Variants in ZNF683 observed in about 807,000 individuals in gnomAD.
The protein encoded by ZNF683 is zinc finger protein 683.
In ZNF683, 20 loss-of-function variants were observed where a neutral mutation model predicts 31.4. That is an observed-to-expected ratio of 0.64 (90% CI 0.45 to 0.93). The LOEUF (loss-of-function observed/expected upper bound fraction) is 0.93. Ranked by LOEUF, ZNF683 falls within the 40% of genes least tolerant of loss-of-function variation. The pLI, the probability that ZNF683 is intolerant of heterozygous loss-of-function variation, is 0.00. For missense variants in ZNF683, 621 were observed against 637.2 expected (o/e 0.97, Z 0.27); for synonymous variants, 264 against 267.6 (o/e 0.99, Z 0.13).
intron 3 of ZNF683, among the ~76,000 whole-genome samples, chr1:26,367,037 G>C (rs2074540822): frequency 6.6e-6 from 1 of 152,180 alleles, no homozygotes; most frequent in Non-Finnish European, 1.5e-5. Context: ...CACCGAGGCA[G>C]GTGGATCACC....
intron 2 of ZNF683, 22 bp from the exon 3 acceptor site, chr1:26,367,819 C>T (rs1232061043): frequency 1.3e-6 from 2 of 1,523,496 alleles, no homozygotes; most frequent in Non-Finnish European, 1.8e-6. Context: ...GGGCAAGGGG[C>T]TTGGGGGCTG....
At chr1:26,373,521 G>C (rs2074709466), upstream of ZNF683, among the ~76,000 whole-genome samples, 1 of 152,160 alleles carries the variant, frequency 6.6e-6, no homozygotes, top group Non-Finnish European at 1.5e-5. Context: ...GGGTTCAGGG[G>C]AGGCTGCAGA....
At chr1:26,362,070 A>G in intron 5 of ZNF683, 48 bp from the exon 6 acceptor site, 1 of 1,614,010 alleles carries the variant, frequency 6.2e-7, no homozygotes, top group South Asian at 1.1e-5. Context: ...GGGCTGGCTC[A>G]GGCATTCTAC....
intron 1 of ZNF683, 170 bp downstream of exon 1, chr1:26,372,499 T>C (rs2074691911): frequency 1.5e-6 from 2 of 1,304,752 alleles, no homozygotes. Context: ...ACTAGGTCGA[T>C]CAGATGTCCC....
Position 26,370,376 on chromosome 1 carries a change from C to T in ZNF683, c.-14-1791G>A, listed in dbSNP as rs770627129. 2.6e-5 allele frequency among the ~76,000 whole-genome samples: 4 copies of T among 152,154 alleles called. No homozygotes were observed. In the East Asian group the frequency reaches 7.7e-4, roughly 29 times the overall value. ...CCCTGACTGGCCTGACAGAGAGACG[C>T]GAGTGCCCAGCTGTCTGCTCATCCA... On this transcript the variant is annotated intron_variant, in intron 1 of 5. Coordinates refer to ENST00000349618, the MANE Select transcript of ZNF683 (RefSeq NM_001114759.3).
In ZNF683 at chr1:26,361,676, AC is replaced by A; in HGVS notation, c.1489del (p.Val497Ter). On this transcript the variant is annotated frameshift_variant, in exon 6 of 6. Transcript: ENST00000349618. LOFTEE classifies it low-confidence loss of function (END_TRUNC). ...TTAATTGTTCTGGTCCTGCCCCATC[AC>A]CAGGGGAGTCCCGGCACTGCTCAGG... The part of the protein sequence containing the change: ...VSLSSAGTPL[V>X]MGQDQNN 1 of 1,613,240 alleles carries A rather than the reference AC, an allele frequency of 6.2e-7. No homozygotes were observed. Among genetic ancestry groups the A allele is most frequent in the East Asian group, 2.2e-5 (1 of 44,880 alleles).
At position 26,365,111 on chromosome 1, in the gene ZNF683, G is replaced by C. The variant is rs781233556; in HGVS notation, c.435C>G (p.Ala145=). ...GKQPERAGEG[A]PCPAFSSHNS... is the part of the protein sequence containing the mutation. The stretch of plus-strand genomic sequence containing the variant: ...TATGAGAGGAGAAGGCTGGGCAGGG[G>C]GCCCCCTCGCCAGCTCTTTCTGGCT... The change falls in exon 4 of 6, where the codon GCC becomes GCG. Residue 145 remains alanine (A), a synonymous_variant. Coordinates refer to ENST00000349618, the MANE Select transcript of ZNF683 (RefSeq NM_001114759.3). The C allele has an allele frequency of 5.6e-6, 9 of 1,607,092 alleles. No individual in the cohort carries two copies. In the East Asian group the frequency reaches 1.1e-4, roughly 20 times the overall value.
chr1:26,364,453 T>C, intron 4 of ZNF683, 79 bp downstream of exon 4: 7 of 1,540,128 alleles, frequency 4.5e-6, no homozygotes, highest in Non-Finnish European at 6.2e-6. Context: ...TTGAGGTCCT[T>C]GCTTCTAGAA....
chr1:26,365,168 C>T lies in ZNF683; in HGVS notation c.378G>A (p.Lys126=). ...CCAGCTTGTCCTTGTTCTGTGGGTA[C>T]TTGACTGTGAATTTCTTGTCATCGG... ...SSTDDKKFTV[K]YPQNKDKLGK... is the part of the protein sequence containing the mutation. Residue 126 remains lysine (K), a synonymous_variant, in exon 4 of 6, where the codon AAG becomes AAA. Transcript: ENST00000349618. The T allele has an allele frequency of 1.9e-6, 3 of 1,610,632 alleles. No homozygotes were observed. The highest frequency in any genetic ancestry group is 2.5e-6 in the Non-Finnish European group (3 of 1,178,578).
rs772003435 is a variant in ZNF683 at position 26,364,797 on chromosome 1, C to A, written c.749G>T (p.Trp250Leu). The change falls in exon 4 of 6, where the codon TGG (tryptophan) becomes TTG (leucine). Residue 250 changes from tryptophan to leucine, a missense_variant. By Grantham distance (61) the Trp-to-Leu change is moderately conservative (BLOSUM62 -2). Coordinates refer to ENST00000349618, the MANE Select transcript of ZNF683 (RefSeq NM_001114759.3). ...CCCTGGGTAGGGAAGCAGGGTCTCC[C>A]ACCGAGCGCTGGGGTGCCCCAGCTC... Reference protein sequence around the residue: ...VNELGHPSARWETLLPYPGAF... With the variant: ...VNELGHPSARLETLLPYPGAF... The A allele has an allele frequency of 7.8e-7, 1 of 1,290,320 alleles. No homozygotes were observed. Among genetic ancestry groups the A allele is most frequent in the South Asian group, 1.4e-5 (1 of 73,020 alleles). 79.9% of individuals were successfully genotyped at this position (1,290,320 alleles called of 1,614,324 possible).
chr1:26,374,181 C>A, upstream of ZNF683: 3 of 1,251,922 alleles, frequency 2.4e-6, no homozygotes, highest in Non-Finnish European at 2.1e-6. Flanking sequence ...GACCCCCAGG[C>A]CACAAGCCCG....
chr1:26,361,953 G>T lies in ZNF683; in HGVS notation c.1213C>A (p.Pro405Thr), dbSNP rs781076939. 16 of 1,614,006 alleles carry T rather than the reference G, an allele frequency of 9.9e-6. No homozygotes were observed. In the African/African-American group the frequency reaches 2.1e-4, roughly 21 times the overall value. The change falls in exon 6 of 6, where the codon CCC (proline) becomes ACC (threonine). Residue 405 changes from proline (P) to threonine (T), a missense_variant. By Grantham distance (38) the Pro-to-Thr change is conservative. Coordinates refer to ENST00000349618, the MANE Select transcript of ZNF683 (RefSeq NM_001114759.3). Reference sequence around the variant, plus strand: ...CTCCGGCAGACACTGCACTGGAAGGGCCGGGCCCCGGAGTGCAGGCGCAGG... The same window carrying T: ...CTCCGGCAGACACTGCACTGGAAGGTCCGGGCCCCGGAGTGCAGGCGCAGG... ...THLRLHSGAR[P>T]FQCSVCRSRF...
intron 3 of ZNF683, among the ~76,000 whole-genome samples, chr1:26,367,057 G>A (rs1308232653): frequency 6.6e-6 from 1 of 152,184 alleles, no homozygotes; most frequent in Non-Finnish European, 1.5e-5. Flanking sequence ...CTGAGGTCAG[G>A]AGTTCGAGAC....
In ZNF683 at chr1:26,366,680, G is replaced by A. The variant is rs189500889; in HGVS notation, c.319+913C>T. 8.8e-3 allele frequency among the ~76,000 whole-genome samples: 1,334 copies of A among 151,956 alleles called. 19 individuals carry two copies. The highest frequency in any genetic ancestry group is 0.031 in the African/African-American group (1,275 of 41,484). ...CAGCCCAGTGCTTTTTTTTTGAGATGGAGTCTCGCTCAGTCGCCCAGGCTG... is the reference window on the plus strand; with the variant it reads ...CAGCCCAGTGCTTTTTTTTTGAGATAGAGTCTCGCTCAGTCGCCCAGGCTG... On this transcript the variant is annotated intron_variant, in intron 3 of 5. Transcript: ENST00000349618.
chr1:26,368,076 T>C (rs2074574286), intron 2 of ZNF683, among the ~76,000 whole-genome samples: 1 of 152,154 alleles, frequency 6.6e-6, no homozygotes, highest in Non-Finnish European at 1.5e-5. Flanking sequence ...CTGACCACCC[T>C]GGTCCCCAGT....
Position 26,365,167 on chromosome 1 carries a change from A to G in ZNF683, c.379T>C (p.Tyr127His). The G allele has an allele frequency of 6.2e-7, 1 of 1,610,384 alleles. No individual in the cohort carries two copies. Among genetic ancestry groups the G allele is most frequent in the Non-Finnish European group, 8.5e-7 (1 of 1,178,494 alleles). The change falls in exon 4 of 6, where the codon TAC becomes CAC. Residue 127 changes from tyrosine to histidine, a missense_variant. By Grantham distance (83) the Tyr-to-His change is moderately conservative. Transcript: ENST00000349618. Reference protein sequence around the residue: ...STDDKKFTVKYPQNKDKLGKQ... With the variant: ...STDDKKFTVKHPQNKDKLGKQ... ...CCCAGCTTGTCCTTGTTCTGTGGGT[A>G]CTTGACTGTGAATTTCTTGTCATCG...
At position 26,366,798 on chromosome 1, in the gene ZNF683, G is replaced by A. The variant is rs1336730645; in HGVS notation, c.319+795C>T. ...AGCCTCCTGAGTCGCTGGGACTACAGGCACCTGCCACCACCCCCCAGCTAA... is the reference window on the plus strand; with the variant it reads ...AGCCTCCTGAGTCGCTGGGACTACAAGCACCTGCCACCACCCCCCAGCTAA... On this transcript the variant is annotated intron_variant, in intron 3 of 5. Coordinates refer to ENST00000349618, the MANE Select transcript of ZNF683 (RefSeq NM_001114759.3). Among the ~76,000 whole-genome samples, 5 of 152,190 alleles carry A rather than the reference G, an allele frequency of 3.3e-5. No homozygotes were observed. The East Asian group carries it at 9.7e-4, about 30-fold the overall frequency.
chr1:26,363,102 T>C lies in ZNF683; in HGVS notation c.1067A>G (p.Gln356Arg). Residue 356 changes from glutamine (Q) to arginine (R), a missense_variant, in exon 5 of 6, where the codon CAG becomes CGG. Transcript: ENST00000349618. ...GERPFQCALC[Q>R]KSFTQLAHLQ... ...GTGGGCAAGTTGAGTGAAGCTCTTC[T>C]GGCACAAGGCACACTGGAATGGACG... The C allele has an allele frequency of 6.2e-7, 1 of 1,612,864 alleles. No individual in the cohort carries two copies. The highest frequency in any genetic ancestry group is 8.5e-7 in the Non-Finnish European group (1 of 1,179,426).
At chr1:26,366,695 C>T (rs1570257293) in intron 3 of ZNF683, among the ~76,000 whole-genome samples, 3 of 152,052 alleles carry the variant, frequency 2.0e-5, no homozygotes, top group Admixed American at 6.6e-5. Context: ...CTCGCTCAGT[C>T]GCCCAGGCTG....
Sources: allele counts gnomAD v4.1 joint callset (sites outside exome capture counted in the v4.1 genomes callset), GRCh38; gene constraint gnomAD v4.1.1; transcripts MANE v1.5; gene names NCBI Gene and HGNC (gene_info 2026-07-23, HGNC 2026-07-21).